Variants in TTC28 observed in about 807,000 individuals in gnomAD.
TTC28 encodes the protein tetratricopeptide repeat domain 28.
Under a neutral mutation model 198.0 loss-of-function variants are expected in TTC28, and 61 were observed. The observed-to-expected ratio is 0.31, with a 90% confidence interval of 0.25 to 0.38. The LOEUF is 0.38. TTC28 is among the 10% of genes least tolerant of loss of function. The pLI, the probability that TTC28 is intolerant of heterozygous loss-of-function variation, is 1.00. For missense variants in TTC28, 2,678 were observed against 3,164.0 expected (o/e 0.85, Z 3.69); for synonymous variants, 1,171 against 1,297.8 (o/e 0.90, Z 2.10).
chr22:28,045,520 T>C (rs771842584), intron 12 of TTC28, among the ~76,000 whole-genome samples: 19 of 152,224 alleles, frequency 1.2e-4, no homozygotes, highest in Non-Finnish European at 2.2e-4. Flanking sequence ...AATGAAATAA[T>C]GTCAGTGTAT....
chr22:28,620,748 G>C (rs1043277632), intron 2 of TTC28, among the ~76,000 whole-genome samples: 14 of 152,140 alleles, frequency 9.2e-5, no homozygotes, highest in Non-Finnish European at 1.6e-4. Flanking sequence ...TTTCTACCGG[G>C]CCAAAGAACA....
At chr22:28,064,880 T>C (rs1384163565) in intron 12 of TTC28, among the ~76,000 whole-genome samples, 1 of 152,226 alleles carries the variant, frequency 6.6e-6, no homozygotes, top group Non-Finnish European at 1.5e-5. Context: ...GGAGGGAGAC[T>C]GTTCAGCATT....
intron 2 of TTC28, among the ~76,000 whole-genome samples, chr22:28,577,492 C>T (rs912393853): frequency 6.6e-6 from 1 of 152,094 alleles, no homozygotes; most frequent in Non-Finnish European, 1.5e-5. Flanking sequence ...ATTTGGTCTA[C>T]AGTGTAGATG....
chr22:28,528,643 C>T (rs1281243924), intron 2 of TTC28, among the ~76,000 whole-genome samples: 3 of 147,124 alleles, frequency 2.0e-5, no homozygotes, highest in East Asian at 2.0e-4. Context: ...GGCCAAGGCA[C>T]GAGAACTGCT....
At chr22:28,511,842 C>G (rs899549283) in intron 2 of TTC28, among the ~76,000 whole-genome samples, 61 of 151,016 alleles carry the variant, frequency 4.0e-4, no homozygotes, top group African/African-American at 1.3e-3. Flanking sequence ...AAAAAAACAC[C>G]AAACCTCTAA....
At chr22:28,636,664 T>C (rs1305519354) in intron 1 of TTC28, among the ~76,000 whole-genome samples, 3 of 152,196 alleles carry the variant, frequency 2.0e-5, no homozygotes, top group African/African-American at 4.8e-5. Context: ...TAGCAGTTTG[T>C]AGGTCTTCTT....
At chr22:28,182,102 T>C (rs1045894819) in intron 5 of TTC28, among the ~76,000 whole-genome samples, 8 of 152,180 alleles carry the variant, frequency 5.3e-5, no homozygotes, top group Admixed American at 4.6e-4. Flanking sequence ...GGATTATTTC[T>C]GGAAATTTAT....
At chr22:28,295,347 A>C (rs766914640) in intron 5 of TTC28, among the ~76,000 whole-genome samples, 6 of 152,210 alleles carry the variant, frequency 3.9e-5, no homozygotes, top group Admixed American at 1.3e-4. Context: ...TGCCTCTGCT[A>C]TTAACCTTCT....
At chr22:28,574,993 A>G (rs562782105) in intron 2 of TTC28, among the ~76,000 whole-genome samples, 1 of 152,026 alleles carries the variant, frequency 6.6e-6, no homozygotes, top group South Asian at 2.1e-4. Context: ...TTCACTTTCT[A>G]GATTGTTTCC....
At chr22:28,026,849 GA>G (rs1261900780) in intron 13 of TTC28, among the ~76,000 whole-genome samples, 1 of 152,206 alleles carries the variant, frequency 6.6e-6, no homozygotes, top group Admixed American at 6.5e-5. Flanking sequence ...ATATAAAGTG[GA>G]AAATTAAAGA....
intron 1 of TTC28, among the ~76,000 whole-genome samples, chr22:28,671,449 C>A (rs1317317380): frequency 6.6e-6 from 1 of 151,714 alleles, no homozygotes; most frequent in South Asian, 2.1e-4. Flanking sequence ...TCCTATCTAA[C>A]ACAGTGAAAC....
chr22:28,382,499 C>T (rs2046511558), intron 2 of TTC28, among the ~76,000 whole-genome samples: 2 of 152,162 alleles, frequency 1.3e-5, no homozygotes, highest in Admixed American at 1.3e-4. Flanking sequence ...GCAGCATTAT[C>T]CATGGACTTG....
intron 5 of TTC28, among the ~76,000 whole-genome samples, chr22:28,254,575 A>G (rs530407180): frequency 3.3e-5 from 5 of 149,860 alleles, no homozygotes; most frequent in East Asian, 1.9e-4. Flanking sequence ...GAAGCCATTG[A>G]AAAAAAAATG....
At chr22:28,141,574 C>T (rs1168538036) in intron 6 of TTC28, among the ~76,000 whole-genome samples, 1 of 152,034 alleles carries the variant, frequency 6.6e-6, no homozygotes, top group East Asian at 1.9e-4. Flanking sequence ...AATAAAGGTT[C>T]AAATTGATTG....
chr22:28,581,081 C>T (rs1478786681), intron 2 of TTC28, among the ~76,000 whole-genome samples: 1 of 152,048 alleles, frequency 6.6e-6, no homozygotes, highest in East Asian at 1.9e-4. Flanking sequence ...TTCTAATCCC[C>T]AAATGTTAAG....
intron 2 of TTC28, among the ~76,000 whole-genome samples, chr22:28,439,255 C>T (rs188647617): frequency 5.9e-5 from 9 of 152,066 alleles, no homozygotes; most frequent in African/African-American, 2.2e-4. Context: ...AAGATTACAA[C>T]CAATAAAAGA....
intron 2 of TTC28, among the ~76,000 whole-genome samples, chr22:28,609,464 C>G (rs1045310396): frequency 1.3e-5 from 2 of 152,138 alleles, no homozygotes; most frequent in East Asian, 3.9e-4. Context: ...TCGCCTTACC[C>G]GGGAAGCACA....
At chr22:28,032,254 T>TATATATATAAA (rs1569095019) in intron 12 of TTC28, among the ~76,000 whole-genome samples, 3 of 100,902 alleles carry the variant, frequency 3.0e-5, no homozygotes, top group Admixed American at 1.1e-4. Context: ...ATATAAAATA[T>TATATATATAAA]ATATATATAT....
intron 2 of TTC28, among the ~76,000 whole-genome samples, chr22:28,364,142 T>C (rs1041440175): frequency 1.6e-4 from 24 of 152,184 alleles, no homozygotes; most frequent in African/African-American, 5.3e-4. Context: ...CCATGTGTTG[T>C]GGGAGCGACC....
Sources: gnomAD v4.1 joint callset for allele counts (sites outside exome capture counted in the v4.1 genomes callset) on GRCh38, gnomAD v4.1.1 for gene constraint, MANE v1.5 for transcripts, NCBI Gene and HGNC (gene_info 2026-07-23, HGNC 2026-07-21) for gene names.